HECW2: variants seen among roughly 807,000 people sequenced by gnomAD.
The protein encoded by HECW2 is HECT, C2 and WW domain containing E3 ubiquitin protein ligase 2, also known as E3 ubiquitin-protein ligase HECW2.
HECW2 carries 61 observed loss-of-function variants against 175.2 expected under a neutral mutation model. That is an observed-to-expected ratio of 0.35 (90% CI 0.28 to 0.43). The LOEUF is 0.43. Among genes scored for constraint, HECW2 ranks in the 20% least tolerant of loss-of-function variants. The pLI, the probability that HECW2 is intolerant of heterozygous loss-of-function variation, is 1.00. For missense variants in HECW2, 1,524 were observed against 2,000.5 expected, an observed-to-expected ratio of 0.76 and a Z score of 4.54; for synonymous variants, 671 against 731.0, an observed-to-expected ratio of 0.92 and a Z score of 1.32.
chr2:196,520,674 G>A (rs13427143), intron 1 of HECW2, among the ~76,000 whole-genome samples: 8,313 of 152,238 alleles, frequency 0.055, 747 homozygotes, highest in African/African-American at 0.19. Flanking sequence ...TAGTTGTGCA[G>A]AACCAAAATG....
intron 10 of HECW2, among the ~76,000 whole-genome samples, chr2:196,311,911 G>A (rs78610380): frequency 0.025 from 3,780 of 152,276 alleles, 128 homozygotes; most frequent in African/African-American, 0.074. Context: ...TCAGTGGCTG[G>A]ACATGAAGGG....
intron 2 of HECW2, among the ~76,000 whole-genome samples, chr2:196,430,734 A>C (rs920067373): frequency 3.9e-5 from 6 of 152,214 alleles, no homozygotes; most frequent in African/African-American, 9.6e-5. Context: ...AGAAATTATC[A>C]AATTTGAATA....
Position 196,240,384 on chromosome 2 carries a change from G to A in HECW2, c.3764+65C>T, listed in dbSNP as rs73054363. The A allele has an allele frequency of 1.4e-3, 1,607 of 1,157,624 alleles. 18 individuals are homozygous for A. In the African/African-American group the frequency reaches 0.023, roughly 16 times the overall value. 71.7% of individuals were successfully genotyped at this position (1,157,624 alleles called of 1,614,324 possible). On this transcript the variant is annotated intron_variant, in intron 21 of 28. Coordinates refer to ENST00000644978, the MANE Select transcript of HECW2 (RefSeq NM_001348768.2). Reference sequence around the variant, plus strand: ...TCCTGTTTCAGGCAACCACAGCGACGTGGAGAAACATCCGCCTTGTGGCCA... The same window carrying A: ...TCCTGTTTCAGGCAACCACAGCGACATGGAGAAACATCCGCCTTGTGGCCA...
At chr2:196,576,847 C>T (rs1222946914) in intron 1 of HECW2, among the ~76,000 whole-genome samples, 1 of 151,848 alleles carries the variant, frequency 6.6e-6, no homozygotes, top group African/African-American at 2.4e-5. Context: ...TCAGTTATAC[C>T]TCAATAAAGC....
At chr2:196,372,392 T>C (rs1180901744) in intron 2 of HECW2, among the ~76,000 whole-genome samples, 1 of 152,240 alleles carries the variant, frequency 6.6e-6, no homozygotes, top group Non-Finnish European at 1.5e-5. Context: ...AGATATATTC[T>C]TTACGGTATC....
At chr2:196,345,997 C>G (rs1172602815) in intron 2 of HECW2, among the ~76,000 whole-genome samples, 1 of 152,184 alleles carries the variant, frequency 6.6e-6, no homozygotes, top group East Asian at 1.9e-4. Context: ...CACCTATTCA[C>G]AAAGCTTTTT....
chr2:196,517,216 T>C (rs1351940411), intron 1 of HECW2, among the ~76,000 whole-genome samples: 5 of 152,204 alleles, frequency 3.3e-5, no homozygotes. Context: ...TCCTCTAAGG[T>C]AGATCTCTAA....
intron 3 of HECW2, among the ~76,000 whole-genome samples, chr2:196,336,438 C>A (rs1264640457): frequency 6.6e-6 from 1 of 152,194 alleles, no homozygotes; most frequent in Non-Finnish European, 1.5e-5. Context: ...TCACACTCTT[C>A]ATGCTGGGGA....
chr2:196,417,405 C>T (rs533167554), intron 2 of HECW2, among the ~76,000 whole-genome samples: 2 of 152,158 alleles, frequency 1.3e-5, no homozygotes, highest in South Asian at 2.1e-4. Flanking sequence ...AGTGTTGATG[C>T]AGTTAGAAAG....
intron 1 of HECW2, among the ~76,000 whole-genome samples, chr2:196,525,465 T>C (rs1414041891): frequency 9.3e-5 from 14 of 150,188 alleles, no homozygotes; most frequent in Non-Finnish European, 1.9e-4. Flanking sequence ...TTGGATAATT[T>C]AGTCCATTTA....
At chr2:196,342,100 T>C (rs1479996851) in intron 3 of HECW2, among the ~76,000 whole-genome samples, 1 of 152,134 alleles carries the variant, frequency 6.6e-6, no homozygotes, top group Non-Finnish European at 1.5e-5. Context: ...AAGCCCATTT[T>C]TTTTTCTACA....
chr2:196,303,068 A>T (rs1299037956), intron 13 of HECW2, among the ~76,000 whole-genome samples: 1 of 152,128 alleles, frequency 6.6e-6, no homozygotes, highest in Non-Finnish European at 1.5e-5. Flanking sequence ...TATGGCTCTT[A>T]TTACTTTGAG....
At chr2:196,280,284 A>G (rs1559007210) in intron 14 of HECW2, among the ~76,000 whole-genome samples, 1 of 152,222 alleles carries the variant, frequency 6.6e-6, no homozygotes, top group Non-Finnish European at 1.5e-5. Context: ...CTCAGTTAAC[A>G]AAGTACCTTA....
chr2:196,203,874 T>C (rs1219353327), intron 28 of HECW2, among the ~76,000 whole-genome samples: 1 of 152,132 alleles, frequency 6.6e-6, no homozygotes, highest in Non-Finnish European at 1.5e-5. Context: ...TCCCATTTCC[T>C]CTCCCCCTAG....
chr2:196,263,782 C>T (rs1225807528), intron 17 of HECW2: 1 of 152,156 alleles, frequency 6.6e-6, no homozygotes, highest in Admixed American at 6.5e-5. Flanking sequence ...TATAAGTTAT[C>T]TGCATGCTAA....
At chr2:196,380,195 C>T (rs535337905) in intron 2 of HECW2, among the ~76,000 whole-genome samples, 33 of 152,200 alleles carry the variant, frequency 2.2e-4, no homozygotes, top group Non-Finnish European at 4.1e-4. Context: ...TGCTTAAATG[C>T]ACTCAATCAG....
intron 2 of HECW2, among the ~76,000 whole-genome samples, chr2:196,363,605 A>G (rs1693662281): frequency 6.6e-6 from 1 of 152,146 alleles, no homozygotes. Flanking sequence ...CCAAAGTAGG[A>G]GGGTCGCATG....
intron 1 of HECW2, among the ~76,000 whole-genome samples, chr2:196,567,251 TTAAGTAGAAA>T (rs1690220511): frequency 6.6e-6 from 1 of 152,140 alleles, no homozygotes; most frequent in South Asian, 2.1e-4. Flanking sequence ...CCTGTTTCCC[TTAAGTAGAAA>T]TAAGAGAGAA....
chr2:196,260,932 TA>T (rs2105932653), intron 17 of HECW2, among the ~76,000 whole-genome samples: 1 of 152,314 alleles, frequency 6.6e-6, no homozygotes, highest in African/African-American at 2.4e-5. Flanking sequence ...TGAAACAATA[TA>T]ATAATATTTT....
Sources: allele counts gnomAD v4.1 joint callset (sites outside exome capture counted in the v4.1 genomes callset), GRCh38; gene constraint gnomAD v4.1.1; transcripts MANE v1.5; gene names NCBI Gene and HGNC (gene_info 2026-07-23, HGNC 2026-07-21).